The following FAM131B variants were observed in gnomAD, a reference collection of about 807,000 sequenced individuals.
FAM131B encodes family with sequence similarity 131 member B, also known as protein FAM131B.
In FAM131B, 19 loss-of-function variants were observed where a neutral mutation model predicts 42.0. That is an observed-to-expected ratio of 0.45 (90% CI 0.32 to 0.66). FAM131B has a LOEUF of 0.66. Ranked by LOEUF, FAM131B falls within the 30% of genes least tolerant of loss-of-function variation. The pLI is 0.05. For missense variants in FAM131B, 370 were observed against 468.4 expected, an observed-to-expected ratio of 0.79 and a Z score of 1.94; for synonymous variants, 183 against 177.6, an observed-to-expected ratio of 1.03 and a Z score of -0.24.
In FAM131B at chr7:143,354,680, G is replaced by A. The variant is rs1803573341; in HGVS notation, c.*1870C>T. Reference sequence around the variant, plus strand: ...CACAAGAGGACTCTTCCCCTGTACAGGCAGCATTCGGTTAGGTGACTGCAC... The same window carrying A: ...CACAAGAGGACTCTTCCCCTGTACAAGCAGCATTCGGTTAGGTGACTGCAC... On this transcript the variant is annotated 3_prime_UTR_variant, in exon 7 of 7. Transcript: ENST00000443739. The A allele has an allele frequency of 6.6e-6, 1 of 152,236 alleles. No homozygotes were observed. Among genetic ancestry groups the A allele is most frequent in the Non-Finnish European group, 1.5e-5 (1 of 68,086 alleles). 9.4% of individuals were successfully genotyped at this position (152,236 alleles called of 1,614,324 possible). A position where few individuals can be genotyped will look rare whatever the true frequency, so the allele number is the denominator to read the frequency against.
rs1275167943 is a variant in FAM131B at position 143,356,839 on chromosome 7, G to A, written c.794C>T (p.Pro265Leu). The A allele has an allele frequency of 6.2e-7, 1 of 1,614,148 alleles. No individual in the cohort carries two copies. Among genetic ancestry groups the A allele is most frequent in the Non-Finnish European group, 8.5e-7 (1 of 1,180,034 alleles). The change falls in exon 7 of 7, where the codon CCT becomes CTT. Residue 265 changes from proline (P) to leucine (L), a missense_variant. Physicochemically the swap from Pro to Leu is moderately conservative, Grantham distance 98 (BLOSUM62 -3). Transcript: ENST00000443739. The surrounding 1 kb of genome is among the most constrained non-coding windows in gnomAD (Gnocchi z 4.4). ...DSQPSLHEMG[P>L]SQPASGYSAL... The stretch of plus-strand genomic sequence containing the variant: ...AGAGTATCCTGAAGCTGGTTGGGAA[G>A]GTCCCATTTCATGCAAGCTGGGTTG...
chr7:143,367,394 C>T (rs572475803), upstream of FAM131B, among the ~76,000 whole-genome samples: 59 of 152,260 alleles, frequency 3.9e-4, 1 homozygote, highest in South Asian at 1.0e-2. Context: ...GGTGAGCTCA[C>T]TCCCACTTTT....
chr7:143,381,544 C>A, the FAM131B span: 31 of 1,599,500 alleles, frequency 1.9e-5, no homozygotes, highest in African/African-American at 9.4e-5. Context: ...CGTAACCCGG[C>A]GACCCACCCC....
chr7:143,359,613 G>T lies in FAM131B; in HGVS notation c.174+119C>A, dbSNP rs745701996. The stretch of plus-strand genomic sequence containing the variant: ...GAAAACTGGGGCACAGGTTGAGAAC[G>T]TGAGTGCTCACAGTGCCTATTGGAG... On this transcript the variant is annotated intron_variant, in intron 3 of 6. Transcript: ENST00000443739. The surrounding 1 kb of genome is among the most constrained non-coding windows in gnomAD (Gnocchi z 5.4). 4.7e-6 allele frequency: 5 copies of T among 1,066,282 alleles called. No individual in the cohort carries two copies. The African/African-American group carries it at 6.3e-5, about 13-fold the overall frequency. 66.1% of individuals were successfully genotyped at this position (1,066,282 alleles called of 1,614,324 possible).
At chr7:143,367,820 G>T in the FAM131B span, among the ~76,000 whole-genome samples, 1 of 152,230 alleles carries the variant, frequency 6.6e-6, no homozygotes, top group Admixed American at 6.5e-5. Flanking sequence ...GCATGGGCAG[G>T]TCAACGTCCC....
At chr7:143,372,973 A>AAAT in the FAM131B span, among the ~76,000 whole-genome samples, 2 of 152,046 alleles carry the variant, frequency 1.3e-5, no homozygotes, top group Non-Finnish European at 2.9e-5. Flanking sequence ...AAACATTAAA[A>AAAT]AATAATAATA....
At chr7:143,381,258 C>A in the FAM131B span, 1 of 1,039,262 alleles carries the variant, frequency 9.6e-7, no homozygotes, top group Middle Eastern at 3.4e-4. Flanking sequence ...GTCTGGGCGC[C>A]GCTCTCTCCC....
At chr7:143,364,815 A>T (rs1279715777), upstream of FAM131B, among the ~76,000 whole-genome samples, 1 of 152,206 alleles carries the variant, frequency 6.6e-6, no homozygotes, top group Non-Finnish European at 1.5e-5. Context: ...GGCACAAAAA[A>T]AGTTTAAGAA....
the FAM131B span, among the ~76,000 whole-genome samples, chr7:143,376,093 C>T: frequency 6.6e-6 from 1 of 152,152 alleles, no homozygotes; most frequent in Non-Finnish European, 1.5e-5. Flanking sequence ...GCTTCTCTGA[C>T]CTCTGCTCCC....
chr7:143,381,385 C>T, the FAM131B span: 5 of 1,181,774 alleles, frequency 4.2e-6, no homozygotes, highest in Non-Finnish European at 5.2e-6. Flanking sequence ...CCACCCGAGA[C>T]GCGGCGCGCA....
chr7:143,359,634 T>C lies in FAM131B; in HGVS notation c.174+98A>G, dbSNP rs1351714238. Reference sequence around the variant, plus strand: ...GAACGTGAGTGCTCACAGTGCCTATTGGAGCCAGGGAATACCGTGCTGGTT... The same window carrying C: ...GAACGTGAGTGCTCACAGTGCCTATCGGAGCCAGGGAATACCGTGCTGGTT... On this transcript the variant is annotated intron_variant, in intron 3 of 6. Transcript: ENST00000443739. This position sits in a 1 kb window ranked among gnomAD's most constrained non-coding sequence, Gnocchi z 5.4. The C allele has an allele frequency of 8.1e-7, 1 of 1,231,044 alleles. No individual in the cohort carries two copies. Among genetic ancestry groups the C allele is most frequent in the Non-Finnish European group, 1.2e-6 (1 of 854,510 alleles). The allele number at this position is 1,231,044 out of a possible 1,614,324, so 76.3% of individuals were successfully genotyped here.
chr7:143,362,118 G>A lies in FAM131B; in HGVS notation c.28+458C>T. ...CCGAGCCAGATGGAGGCGGCGGCGGGGGGTGGCGTGGGGGGCGTGCGAAAG... is the reference window on the plus strand; with the variant it reads ...CCGAGCCAGATGGAGGCGGCGGCGGAGGGTGGCGTGGGGGGCGTGCGAAAG... On this transcript the variant is annotated intron_variant, in intron 1 of 6. Transcript: ENST00000443739. The surrounding 1 kb of genome is among the most constrained non-coding windows in gnomAD (Gnocchi z 7.7). The A allele has an allele frequency of 1.2e-6, 1 of 815,118 alleles. No homozygotes were observed. The highest frequency in any genetic ancestry group is 1.5e-6 in the Non-Finnish European group (1 of 673,570). The allele number at this position is 815,118 out of a possible 1,614,324, so 50.5% of individuals were successfully genotyped here.
the FAM131B span, among the ~76,000 whole-genome samples, chr7:143,377,689 A>AAT: frequency 2.6e-5 from 4 of 151,990 alleles, no homozygotes; most frequent in African/African-American, 7.3e-5. Context: ...AGAAGGGGCG[A>AAT]ATATATATAT....
the FAM131B span, among the ~76,000 whole-genome samples, chr7:143,369,899 G>C: frequency 1.3e-5 from 2 of 152,122 alleles, no homozygotes; most frequent in Non-Finnish European, 2.9e-5. Context: ...TCTCCTGGGT[G>C]GGGGTCCACT....
chr7:143,381,181 G>A, the FAM131B span: 3 of 991,440 alleles, frequency 3.0e-6, no homozygotes, highest in African/African-American at 1.7e-5. Context: ...CCCTTCCTGG[G>A]GGAGTTTCCT....
the FAM131B span, among the ~76,000 whole-genome samples, chr7:143,371,974 A>G: frequency 1.3e-5 from 2 of 151,966 alleles, no homozygotes; most frequent in Non-Finnish European, 2.9e-5. Context: ...GTTTTTTTTC[A>G]ATTTGTTTAA....
rs1804022884 is a variant in FAM131B at position 143,362,003 on chromosome 7, A to G, written c.28+573T>C. ...CGGGCTCATCCCGCCCCCGCCCCAG[A>G]GGGAAAACGCACGTGAACAAAGCGA... On this transcript the variant is annotated intron_variant, in intron 1 of 6. Coordinates refer to ENST00000443739, the MANE Select transcript of FAM131B (RefSeq NM_001031690.3). This position sits in a 1 kb window ranked among gnomAD's most constrained non-coding sequence, Gnocchi z 7.7. The G allele has an allele frequency of 1.2e-6, 1 of 834,280 alleles. No homozygotes were observed. Among genetic ancestry groups the G allele is most frequent in the Non-Finnish European group, 1.4e-6 (1 of 692,246 alleles). The allele number at this position is 834,280 out of a possible 1,614,324, so 51.7% of individuals were successfully genotyped here.
chr7:143,357,882 A>G (rs1803744729), intron 5 of FAM131B, among the ~76,000 whole-genome samples: 1 of 152,148 alleles, frequency 6.6e-6, no homozygotes, highest in Non-Finnish European at 1.5e-5. Flanking sequence ...AAAAAATCAG[A>G]TTTAGGATTC....
upstream of FAM131B, among the ~76,000 whole-genome samples, chr7:143,366,608 A>G (rs1804187331): frequency 1.4e-5 from 2 of 144,254 alleles, no homozygotes; most frequent in South Asian, 4.4e-4. Context: ...CCCAGGCTGG[A>G]GTGCAGTGGT....
Sources: allele counts gnomAD v4.1 joint callset (sites outside exome capture counted in the v4.1 genomes callset), GRCh38; gene constraint gnomAD v4.1.1; non-coding constraint Gnocchi (gnomAD v3.1); transcripts MANE v1.5; gene names NCBI Gene and HGNC (gene_info 2026-07-23, HGNC 2026-07-21).